Variants in MROH1 observed in about 807,000 individuals in gnomAD.
The protein encoded by MROH1 is maestro heat like repeat family member 1.
MROH1 carries 117 observed loss-of-function variants against 116.5 expected under a neutral mutation model. The ratio of observed to expected loss-of-function variants is 1.00; its 90% CI spans 0.86 to 1.17. The LOEUF (loss-of-function observed/expected upper bound fraction) is 1.17, where lower values mean the gene tolerates loss of function less well. Ranked by LOEUF, MROH1 falls within the 50% of genes most tolerant of loss-of-function variation. The pLI is 0.00. For synonymous variants in MROH1, 921 were observed against 583.9 expected (o/e 1.58, Z -8.32); for missense variants, 1,873 against 1,338.5 (o/e 1.40, Z -6.23).
intron 37 of MROH1, among the ~76,000 whole-genome samples, 163 bp downstream of exon 37, chr8:144,259,517 A>G (rs1844569824): frequency 6.6e-6 from 1 of 152,172 alleles, no homozygotes. Flanking sequence ...GAACTCACTC[A>G]GTCCCACCCA....
At chr8:144,217,990 G>C (rs1448339120) in intron 12 of MROH1, among the ~76,000 whole-genome samples, 1 of 151,258 alleles carries the variant, frequency 6.6e-6, no homozygotes, top group Non-Finnish European at 1.5e-5. Context: ...GGATCCCTCT[G>C]GGTGGCTGCG....
intron 1 of MROH1, among the ~76,000 whole-genome samples, chr8:144,150,366 C>T (rs1374234856): frequency 2.0e-5 from 3 of 152,234 alleles, no homozygotes; most frequent in Non-Finnish European, 4.4e-5. Context: ...GTTAATTTAA[C>T]CAGAGCCCTG....
At chr8:144,171,231 AG>A (rs1184999631) in intron 4 of MROH1, among the ~76,000 whole-genome samples, 20 of 152,304 alleles carry the variant, frequency 1.3e-4, no homozygotes, top group Middle Eastern at 6.8e-3. Context: ...GCCATGAATC[AG>A]GGTTTTCACG....
intron 12 of MROH1, among the ~76,000 whole-genome samples, chr8:144,207,087 G>A (rs1832991233): frequency 6.6e-6 from 1 of 151,752 alleles, no homozygotes; most frequent in Non-Finnish European, 1.5e-5. Flanking sequence ...TCCCTGGTGA[G>A]TAAATTGATG....
rs773557026 is a variant in MROH1, at chr8:144,223,206, G to A, written c.1314G>A (p.Gln438=). The A allele has an allele frequency of 4.4e-6, 7 of 1,608,956 alleles. No homozygotes were observed. The highest frequency in any genetic ancestry group is 5.1e-6 in the Non-Finnish European group (6 of 1,178,028). ...CGATGATCGAGTACATCGTGCAGCAGTGCGCGCTGCCCCCCGAGCAGGAGG... is the reference window on the plus strand; with the variant it reads ...CGATGATCGAGTACATCGTGCAGCAATGCGCGCTGCCCCCCGAGCAGGAGG... ...GEAMIEYIVQ[Q]CALPPEQEPE... The change falls in exon 14 of 44, where the codon CAG becomes CAA. Residue 438 remains glutamine (Q), a synonymous_variant. Coordinates refer to ENST00000326134, the MANE Select transcript of MROH1 (RefSeq NM_032450.3).
intron 8 of MROH1, 42 bp downstream of exon 8, chr8:144,190,977 C>T: frequency 2.5e-6 from 4 of 1,573,670 alleles, no homozygotes; most frequent in Non-Finnish European, 3.5e-6. Context: ...GATGCCAGGG[C>T]TCTCTCCTCC....
At chr8:144,232,466 GTTTGTTTGTTTATTTA>G (rs1207869339) in intron 14 of MROH1, among the ~76,000 whole-genome samples, 1,540 of 144,412 alleles carry the variant, frequency 0.011, 24 homozygotes, top group African/African-American at 0.037. Flanking sequence ...TGAGTGCTTT[GTTTGTTTGTTTATTTA>G]TTTATTTATT....
At chr8:144,157,788 C>T (rs1818517512) in intron 1 of MROH1, among the ~76,000 whole-genome samples, 1 of 149,304 alleles carries the variant, frequency 6.7e-6, no homozygotes, top group Admixed American at 6.8e-5. Flanking sequence ...CGTGGTCCTT[C>T]CACCTCAGCC....
intron 12 of MROH1, among the ~76,000 whole-genome samples, chr8:144,219,956 T>G (rs952597170): frequency 3.9e-5 from 6 of 152,206 alleles, no homozygotes; most frequent in Non-Finnish European, 7.3e-5. Context: ...GACATTGGGT[T>G]GTCGTGACCC....
At chr8:144,222,054 C>T (rs942798598) in intron 13 of MROH1, among the ~76,000 whole-genome samples, 163 of 61,908 alleles carry the variant, frequency 2.6e-3, no homozygotes, top group African/African-American at 4.6e-3. Flanking sequence ...GCTGGGGTGA[C>T]AACTGCAGAT....
At chr8:144,164,111 T>TTTTA (rs1333567404) in intron 3 of MROH1, among the ~76,000 whole-genome samples, 1 of 149,940 alleles carries the variant, frequency 6.7e-6, no homozygotes, top group Non-Finnish European at 1.5e-5. Context: ...TTTTTTTTTT[T>TTTTA]AAGACAGGGT....
intron 3 of MROH1, among the ~76,000 whole-genome samples, chr8:144,164,785 T>C (rs1820389744): frequency 6.6e-6 from 1 of 152,204 alleles, no homozygotes; most frequent in Non-Finnish European, 1.5e-5. Context: ...CAGGCTGCTG[T>C]AACAAAATAT....
chr8:144,153,080 C>A (rs1817235383), intron 1 of MROH1, among the ~76,000 whole-genome samples: 1 of 152,210 alleles, frequency 6.6e-6, no homozygotes, highest in African/African-American at 2.4e-5. Flanking sequence ...GAGTTCAACT[C>A]TTCATAGAAG....
At chr8:144,214,659 G>A (rs147055047) in intron 12 of MROH1, among the ~76,000 whole-genome samples, 43 of 152,236 alleles carry the variant, frequency 2.8e-4, no homozygotes, top group African/African-American at 9.1e-4. Flanking sequence ...GTGTGGGGCC[G>A]CGGCCACCCC....
intron 7 of MROH1, among the ~76,000 whole-genome samples, chr8:144,184,091 C>CCT (rs1826349077): frequency 6.6e-6 from 1 of 152,212 alleles, no homozygotes; most frequent in Admixed American, 6.5e-5. Context: ...TCTTTTAAAT[C>CCT]CTCTCTCCTG....
At chr8:144,194,710 C>T (rs571343046) in intron 10 of MROH1, among the ~76,000 whole-genome samples, 6 of 151,722 alleles carry the variant, frequency 4.0e-5, no homozygotes, top group African/African-American at 9.7e-5. Flanking sequence ...CCCAGGAATT[C>T]GAGACCAACC....
At chr8:144,193,657 G>A (rs1376177919) in intron 10 of MROH1, among the ~76,000 whole-genome samples, 1 of 152,074 alleles carries the variant, frequency 6.6e-6, no homozygotes, top group African/African-American at 2.4e-5. Flanking sequence ...TGCCCTGGCT[G>A]GAGTGCTGTG....
intron 12 of MROH1, among the ~76,000 whole-genome samples, chr8:144,204,724 A>G (rs1472534093): frequency 6.6e-6 from 1 of 152,192 alleles, no homozygotes; most frequent in Non-Finnish European, 1.5e-5. Flanking sequence ...CATATAGTAC[A>G]GCTTATTTAT....
intron 14 of MROH1, among the ~76,000 whole-genome samples, chr8:144,229,380 ATTT>A (rs60877043): frequency 6.0e-4 from 65 of 108,848 alleles, no homozygotes; most frequent in Admixed American, 1.0e-3. Flanking sequence ...TACCTTATGA[ATTT>A]TTTTTTTTTT....
Sources: gnomAD v4.1 joint callset for allele counts (sites outside exome capture counted in the v4.1 genomes callset) on GRCh38, gnomAD v4.1.1 for gene constraint, MANE v1.5 for transcripts, NCBI Gene and HGNC (gene_info 2026-07-23, HGNC 2026-07-21) for gene names.